The following SPECC1L variants were observed in gnomAD, a reference collection of about 807,000 sequenced individuals.
SPECC1L encodes the protein sperm antigen with calponin homology and coiled-coil domains 1 like, also known as cytospin-A.
In SPECC1L, 40 loss-of-function variants were observed where a neutral mutation model predicts 116.8. That is an observed-to-expected ratio of 0.34 (90% CI 0.27 to 0.45). SPECC1L has a LOEUF of 0.45. Among genes scored for constraint, SPECC1L ranks in the 20% least tolerant of loss-of-function variants. The pLI is 1.00. For synonymous variants in SPECC1L, 504 were observed against 500.6 expected (o/e 1.01, Z -0.09); for missense variants, 1,110 against 1,373.6 (o/e 0.81, Z 3.03).
rs543984544 is a variant in SPECC1L, at chr22:24,349,543, T to A, written c.2743+2367T>A. Among the ~76,000 whole-genome samples the A allele has an allele frequency of 2.6e-5, 4 of 152,360 alleles. No homozygotes were observed. In the East Asian group the frequency reaches 7.7e-4, roughly 29 times the overall value. On this transcript the variant is annotated intron_variant, in intron 11 of 16. Transcript: ENST00000314328. ...AGGTTCGTGTATACAGTTGCCTACT[T>A]GACATCTTCCCATTTTGATATTGAA...
At chr22:24,298,074 CT>C (rs2049302158) in intron 2 of SPECC1L, among the ~76,000 whole-genome samples, 1 of 152,106 alleles carries the variant, frequency 6.6e-6, no homozygotes. Flanking sequence ...GATTTTTCAA[CT>C]TTATGATGGC....
chr22:24,382,615 A>G (rs959661277), intron 14 of SPECC1L, among the ~76,000 whole-genome samples: 2 of 149,008 alleles, frequency 1.3e-5, no homozygotes, highest in Non-Finnish European at 3.0e-5. Context: ...AGGCAAGAGA[A>G]TGGCGTGAAC....
chr22:24,292,433 G>GA (rs1413857956), intron 2 of SPECC1L, among the ~76,000 whole-genome samples: 1 of 152,126 alleles, frequency 6.6e-6, no homozygotes, highest in Non-Finnish European at 1.5e-5. Flanking sequence ...CAGGAGTTAT[G>GA]TTCTTGTTGG....
In SPECC1L at chr22:24,347,120, A is replaced by T; in HGVS notation, c.2687A>T (p.Lys896Ile). 1 of 1,614,092 alleles carries T rather than the reference A, an allele frequency of 6.2e-7. No individual in the cohort carries two copies. The highest frequency in any genetic ancestry group is 1.7e-5 in the Admixed American group (1 of 60,026). ...HSISGPISTS[K>I]PLTALSDKRP... is the part of the protein sequence containing the mutation. ...ATAAGTGGACCAATCTCAACATCCAAACCCCTGACAGCCCTGTCAGATAAG... is the reference window on the plus strand; with the variant it reads ...ATAAGTGGACCAATCTCAACATCCATACCCCTGACAGCCCTGTCAGATAAG... Residue 896 changes from lysine (K) to isoleucine (I), a missense_variant, in exon 11 of 17, where the codon AAA (lysine) becomes ATA (isoleucine). By Grantham distance (102) the Lys-to-Ile change is moderately radical (BLOSUM62 -3). Coordinates refer to ENST00000314328, the MANE Select transcript of SPECC1L (RefSeq NM_015330.6).
At chr22:24,305,491 ACTTC>A (rs2049474428) in intron 3 of SPECC1L, among the ~76,000 whole-genome samples, 1 of 152,054 alleles carries the variant, frequency 6.6e-6, no homozygotes, top group South Asian at 2.1e-4. Context: ...AGCAGCGGTC[ACTTC>A]CTTTTCATTG....
intron 14 of SPECC1L, among the ~76,000 whole-genome samples, chr22:24,386,927 A>T (rs2146716524): frequency 6.6e-6 from 1 of 152,310 alleles, no homozygotes; most frequent in East Asian, 1.9e-4. Flanking sequence ...TTTTATTAGC[A>T]TTTAAAAAAT....
chr22:24,341,441 T>G (rs1446440716), intron 10 of SPECC1L, among the ~76,000 whole-genome samples: 1 of 152,214 alleles, frequency 6.6e-6, no homozygotes, highest in Non-Finnish European at 1.5e-5. Flanking sequence ...TTTGAATAGA[T>G]GGCATTCATT....
intron 10 of SPECC1L, among the ~76,000 whole-genome samples, chr22:24,346,279 TA>T (rs749900048): frequency 1.3e-5 from 2 of 152,266 alleles, no homozygotes; most frequent in South Asian, 2.1e-4. Flanking sequence ...GTGCTGGGAT[TA>T]AGGCATGAGC....
intron 14 of SPECC1L, among the ~76,000 whole-genome samples, chr22:24,408,637 A>G (rs1300754039): frequency 6.6e-6 from 1 of 152,232 alleles, no homozygotes; most frequent in Non-Finnish European, 1.5e-5. Context: ...TAATCTGGTC[A>G]CTTTCCTCAC....
At chr22:24,356,850 GGTTTGTCA>G (rs909512907) in intron 11 of SPECC1L, among the ~76,000 whole-genome samples, 3 of 151,948 alleles carry the variant, frequency 2.0e-5, no homozygotes, top group African/African-American at 4.8e-5. Context: ...CTTAGGTTAG[GGTTTGTCA>G]GCCTTGCCTT....
At chr22:24,296,501 C>G (rs1263142648) in intron 2 of SPECC1L, among the ~76,000 whole-genome samples, 1 of 152,262 alleles carries the variant, frequency 6.6e-6, no homozygotes, top group Non-Finnish European at 1.5e-5. Flanking sequence ...TTTATTCCCC[C>G]AAACCTTGAC....
At chr22:24,301,426 G>A (rs982599396) in intron 2 of SPECC1L, among the ~76,000 whole-genome samples, 21 of 152,298 alleles carry the variant, frequency 1.4e-4, no homozygotes, top group African/African-American at 5.1e-4. Flanking sequence ...AATGTCATGA[G>A]TTGAAAATAC....
chr22:24,278,958 T>G lies in SPECC1L; in HGVS notation c.-38+2155T>G, dbSNP rs533078720. The stretch of plus-strand genomic sequence containing the variant: ...AGCACAGTTTGTACGTTTATAAATT[T>G]TATCCAAATCCTCTTAATCTAGTGA... On this transcript the variant is annotated intron_variant, in intron 2 of 16. Transcript: ENST00000314328. Among the ~76,000 whole-genome samples the G allele has an allele frequency of 4.6e-4, 70 of 152,190 alleles. 1 individual carries two copies. Among genetic ancestry groups the G allele is most frequent in the Non-Finnish European group, 6.8e-4 (46 of 68,042 alleles).
chr22:24,302,462 G>A, intron 3 of SPECC1L, 78 bp downstream of exon 3: 9 of 1,563,258 alleles, frequency 5.8e-6, no homozygotes, highest in Non-Finnish European at 7.9e-6. Context: ...TATTAAATGA[G>A]CATTCTTAGG....
Position 24,334,558 on chromosome 22 carries a change from G to A in SPECC1L, c.2545G>A (p.Asp849Asn), listed in dbSNP as rs761911492. 1 of 1,614,150 alleles carries A rather than the reference G, an allele frequency of 6.2e-7. No individual in the cohort carries two copies. Among genetic ancestry groups the A allele is most frequent in the Non-Finnish European group, 8.5e-7 (1 of 1,180,038 alleles). The change falls in exon 9 of 17, where the codon GAC (aspartate) becomes AAC (asparagine). Residue 849 changes from aspartate (D) to asparagine (N), a missense_variant. Physicochemically the swap from Asp to Asn is conservative, Grantham distance 23 (BLOSUM62 1). Around this residue, in one of 4 missense-constraint regions of SPECC1L, gnomAD observed 575 missense variants for 682.4 expected, o/e 0.84. Transcript: ENST00000314328. ...PTVKTLIKSF[D>N]SASQVPNPAA... is the part of the protein sequence containing the mutation. ...AGTAAAAACCCTCATCAAGTCCTTT[G>A]ACAGTGCATCTCAAGGTAATTAATT...
At chr22:24,294,703 C>G (rs143714488) in intron 2 of SPECC1L, among the ~76,000 whole-genome samples, 1 of 151,776 alleles carries the variant, frequency 6.6e-6, no homozygotes, top group Non-Finnish European at 1.5e-5. Context: ...TTTATATGCC[C>G]ATATATTTGA....
At chr22:24,307,842 AT>A (rs35273697) in intron 3 of SPECC1L, among the ~76,000 whole-genome samples, 27 of 142,358 alleles carry the variant, frequency 1.9e-4, no homozygotes, top group Admixed American at 2.8e-4. Context: ...CCTGGCCCCT[AT>A]TTTTTTTTTT....
intron 14 of SPECC1L, among the ~76,000 whole-genome samples, chr22:24,372,590 ACT>A (rs2041892974): frequency 6.6e-6 from 1 of 152,084 alleles, no homozygotes; most frequent in Admixed American, 6.5e-5. Context: ...CATGCTAAAA[ACT>A]CTCAATAAAT....
At chr22:24,329,401 G>A (rs2146504641) in intron 7 of SPECC1L, among the ~76,000 whole-genome samples, 1 of 152,336 alleles carries the variant, frequency 6.6e-6, no homozygotes, top group African/African-American at 2.4e-5. Flanking sequence ...AAGGTTATTA[G>A]CTTTTGGTTA....
Sources: allele counts gnomAD v4.1 joint callset (sites outside exome capture counted in the v4.1 genomes callset), GRCh38; gene constraint gnomAD v4.1.1; regional missense constraint gnomAD v4.1.1; transcripts MANE v1.5; gene names NCBI Gene and HGNC (gene_info 2026-07-23, HGNC 2026-07-21).